ANK2: variants seen among roughly 807,000 people sequenced by gnomAD.
The protein encoded by ANK2 is ankyrin 2, also known as ankyrin-2.
ANK2 carries 83 observed loss-of-function variants against 360.5 expected under a neutral mutation model. That is an observed-to-expected ratio of 0.23 (90% CI 0.19 to 0.28). ANK2 has a LOEUF of 0.28. ANK2 is among the 10% of genes least tolerant of loss of function. ANK2 has a pLI of 1.00. For synonymous variants in ANK2, 1,740 were observed against 1,759.5 expected (o/e 0.99, Z 0.28); for missense variants, 4,201 against 4,795.7 (o/e 0.88, Z 3.66).
At position 113,129,222 on chromosome 4, in the gene ANK2, T is replaced by A. The variant is rs1260523344; in HGVS notation, c.85-45194T>A. On this transcript the variant is annotated intron_variant, in intron 1 of 45. Coordinates refer to ENST00000357077, the MANE Select transcript of ANK2 (RefSeq NM_001148.6). ...AGATTTTTTTATAGTAGAATTCCAG[T>A]GAACAAATCTAGAAGAAATATGGAA... Among the ~76,000 whole-genome samples the A allele has an allele frequency of 2.6e-5, 4 of 152,136 alleles. No homozygotes were observed. In the East Asian group the frequency reaches 7.7e-4, roughly 29 times the overall value.
At chr4:113,259,812 CTTT>C (rs772674741) in intron 13 of ANK2, among the ~76,000 whole-genome samples, 1 of 106,612 alleles carries the variant, frequency 9.4e-6, no homozygotes, top group Non-Finnish European at 2.0e-5. Context: ...CTTTTTTTTT[CTTT>C]TTTTTTTTTT....
chr4:112,812,542 A>G, the ANK2 span, among the ~76,000 whole-genome samples: 1 of 152,224 alleles, frequency 6.6e-6, no homozygotes, highest in Non-Finnish European at 1.5e-5. Flanking sequence ...GTTCCAGTTC[A>G]GGCACCAGAC....
the ANK2 span, among the ~76,000 whole-genome samples, chr4:112,745,436 TACAA>T: frequency 1.6e-4 from 25 of 152,238 alleles, no homozygotes; most frequent in East Asian, 4.2e-3. Flanking sequence ...TCTTTTATGT[TACAA>T]ACAATCCAAT....
At chr4:113,286,571 A>C (rs1284502544) in intron 18 of ANK2, among the ~76,000 whole-genome samples, 1 of 152,202 alleles carries the variant, frequency 6.6e-6, no homozygotes. Flanking sequence ...GTGCTAATGC[A>C]GGAGAGTGGG....
At chr4:113,203,750 A>T (rs1419525892) in intron 4 of ANK2, among the ~76,000 whole-genome samples, 1 of 152,170 alleles carries the variant, frequency 6.6e-6, no homozygotes, top group Non-Finnish European at 1.5e-5. Context: ...ATTGATGACA[A>T]ATTGAGACTC....
rs2096600378 is a variant in ANK2, at chr4:113,140,570, G to A, written c.85-33846G>A. 1.3e-5 allele frequency among the ~76,000 whole-genome samples: 2 copies of A among 152,128 alleles called. 1 individual carries two copies. The highest frequency in any genetic ancestry group is 4.1e-4 in the South Asian group (2 of 4,826). On this transcript the variant is annotated intron_variant, in intron 1 of 45. Coordinates refer to ENST00000357077, the MANE Select transcript of ANK2 (RefSeq NM_001148.6). ...CTTGAATAATCCTTGGATCTTGGAGGAGAGAAAAAAATTTAATTCAATGAC... is the reference window on the plus strand; with the variant it reads ...CTTGAATAATCCTTGGATCTTGGAGAAGAGAAAAAAATTTAATTCAATGAC...
chr4:113,298,721 G>A (rs902291193), intron 22 of ANK2, among the ~76,000 whole-genome samples: 2 of 152,114 alleles, frequency 1.3e-5, no homozygotes, highest in Non-Finnish European at 2.9e-5. Context: ...TTTTAAAGTA[G>A]TTTCTAATCT....
In ANK2 at chr4:113,354,715, A is replaced by C; in HGVS notation, c.6097A>C (p.Lys2033Gln). 1 of 1,613,932 alleles carries C rather than the reference A, an allele frequency of 6.2e-7. No homozygotes were observed. The highest frequency in any genetic ancestry group is 8.5e-7 in the Non-Finnish European group (1 of 1,179,982). ...AGGTAAAGTTCGGGTAGAAAAAGAAAAGGGGCCGATACTAACCCAGAGAGA... is the reference window on the plus strand; with the variant it reads ...AGGTAAAGTTCGGGTAGAAAAAGAACAGGGGCCGATACTAACCCAGAGAGA... ...EKGKVRVEKE[K>Q]GPILTQREAQ... The change falls in exon 38 of 46, where the codon AAG becomes CAG. Residue 2033 changes from lysine to glutamine, a missense_variant. Physicochemically the swap from Lys to Gln is moderately conservative, Grantham distance 53. Around this residue, in one of 4 missense-constraint regions of ANK2, gnomAD observed 2,642 missense variants for 2,714.5 expected, o/e 0.97. Coordinates refer to ENST00000357077, the MANE Select transcript of ANK2 (RefSeq NM_001148.6).
intron 2 of ANK2, among the ~76,000 whole-genome samples, chr4:112,928,058 C>A (rs957195891): frequency 6.6e-6 from 1 of 152,088 alleles, no homozygotes; most frequent in Non-Finnish European, 1.5e-5. Context: ...AAGAAGTACA[C>A]TTTTGGAATA....
In ANK2 at chr4:113,356,303, C is replaced by A. The variant is rs886039184; in HGVS notation, c.7685C>A (p.Pro2562Gln). The A allele has an allele frequency of 6.2e-7, 1 of 1,614,112 alleles. No individual in the cohort carries two copies. The highest frequency in any genetic ancestry group is 1.7e-5 in the Admixed American group (1 of 60,014). The change falls in exon 38 of 46, where the codon CCA becomes CAA. Residue 2562 changes from proline to glutamine, a missense_variant. Pro to Gln is a moderately conservative substitution (Grantham distance 76). Coordinates refer to ENST00000357077, the MANE Select transcript of ANK2 (RefSeq NM_001148.6). The part of the protein sequence containing the change: ...PKTTDVSTPK[P>Q]AVIHECAEED... Reference sequence around the variant, plus strand: ...ACCACAGATGTAAGTACACCAAAACCAGCTGTGATTCATGAATGTGCAGAG... The same window carrying A: ...ACCACAGATGTAAGTACACCAAAACAAGCTGTGATTCATGAATGTGCAGAG...
intron 1 of ANK2, among the ~76,000 whole-genome samples, chr4:112,837,213 G>T (rs1437958447): frequency 6.6e-6 from 1 of 152,246 alleles, no homozygotes; most frequent in African/African-American, 2.4e-5. Flanking sequence ...GTACAGCTCA[G>T]TCTGTTGCTT....
chr4:113,077,186 A>G (rs1274980147), intron 1 of ANK2, among the ~76,000 whole-genome samples: 2 of 152,110 alleles, frequency 1.3e-5, no homozygotes, highest in Non-Finnish European at 2.9e-5. Flanking sequence ...CAGTCATTTA[A>G]ATTAATATTT....
At chr4:113,361,721 A>G (rs913079638) in intron 39 of ANK2, among the ~76,000 whole-genome samples, 1 of 152,088 alleles carries the variant, frequency 6.6e-6, no homozygotes, top group African/African-American at 2.4e-5. Context: ...TAATAATTTT[A>G]AAGTAATTCT....
At chr4:113,084,968 A>T (rs181873651) in intron 1 of ANK2, among the ~76,000 whole-genome samples, 37 of 152,346 alleles carry the variant, frequency 2.4e-4, no homozygotes, top group Non-Finnish European at 8.8e-5. Flanking sequence ...TGACTAGTTT[A>T]AAATTCTTTG....
chr4:112,900,909 C>A (rs1580811317), intron 1 of ANK2, among the ~76,000 whole-genome samples: 1 of 152,238 alleles, frequency 6.6e-6, no homozygotes, highest in East Asian at 1.9e-4. Context: ...TTCATTCCTG[C>A]CATTGAGCAA....
In ANK2 at chr4:113,085,669, T is replaced by G. The variant is rs186862931; in HGVS notation, c.84+35857T>G. ...ACATGTTAAGCAAGAAGAAGATATA[T>G]CTAAGAGATAACTTTGTAAAAGTCT... On this transcript the variant is annotated intron_variant, in intron 1 of 45. Transcript: ENST00000357077. Among the ~76,000 whole-genome samples, 9 of 152,216 alleles carry G rather than the reference T, an allele frequency of 5.9e-5. No homozygotes were observed. In the East Asian group the frequency reaches 1.5e-3, roughly 26 times the overall value.
At chr4:112,738,904 A>G in the ANK2 span, 1 of 684,562 alleles carries the variant, frequency 1.5e-6, no homozygotes, top group Non-Finnish European at 2.6e-6. Context: ...CAAAAAACAA[A>G]GCACATGCTG....
At chr4:113,213,461 T>A (rs1350208907) in intron 4 of ANK2, among the ~76,000 whole-genome samples, 7 of 152,194 alleles carry the variant, frequency 4.6e-5, no homozygotes, top group Non-Finnish European at 8.8e-5. Flanking sequence ...GCAAATACTA[T>A]GTGGGCAGCT....
chr4:113,109,889 G>C (rs56162022), intron 1 of ANK2, among the ~76,000 whole-genome samples: 2 of 152,210 alleles, frequency 1.3e-5, no homozygotes, highest in Non-Finnish European at 2.9e-5. Context: ...GTGATATAAA[G>C]ACCATGTCAC....
Sources: gnomAD v4.1 joint callset for allele counts (sites outside exome capture counted in the v4.1 genomes callset) on GRCh38, gnomAD v4.1.1 for gene constraint, gnomAD v4.1.1 regional missense constraint, MANE v1.5 for transcripts, NCBI Gene and HGNC (gene_info 2026-07-23, HGNC 2026-07-21) for gene names.